FBLN2: variants seen among roughly 807,000 people sequenced by gnomAD.
FBLN2 encodes the protein fibulin-2.
Under a neutral mutation model 123.7 loss-of-function variants are expected in FBLN2, and 81 were observed. The observed-to-expected ratio is 0.65, with a 90% CI of 0.55 to 0.79. FBLN2 has a LOEUF of 0.79. Ranked by LOEUF, FBLN2 falls within the 30% of genes least tolerant of loss-of-function variation. FBLN2 has a pLI of 0.00. For missense variants in FBLN2, 1,603 were observed against 1,681.3 expected (o/e 0.95, Z 0.81); for synonymous variants, 699 against 701.4 (o/e 1.00, Z 0.05).
At chr3:13,600,743 G>A (rs1252171604) in intron 2 of FBLN2, among the ~76,000 whole-genome samples, 1 of 151,618 alleles carries the variant, frequency 6.6e-6, no homozygotes, top group Non-Finnish European at 1.5e-5. Context: ...AGCCTCCCAA[G>A]TAGCTGGGAT....
chr3:13,619,086 G>T (rs1705749204), intron 7 of FBLN2, 69 bp downstream of exon 7: 1 of 1,191,526 alleles, frequency 8.4e-7, no homozygotes, highest in South Asian at 1.4e-5. Context: ...GCTGCTTGCA[G>T]GTGGTGAGCT....
At chr3:13,556,731 C>T (rs991101454) in intron 1 of FBLN2, among the ~76,000 whole-genome samples, 2 of 152,218 alleles carry the variant, frequency 1.3e-5, no homozygotes, top group African/African-American at 4.8e-5. Flanking sequence ...GGCATCAGCA[C>T]ATGACACTGT....
rs3732668 is a variant in FBLN2, at chr3:13,570,350, T to C, written c.-6T>C. The C allele has an allele frequency of 0.16, 243,200 of 1,542,360 alleles. 21,765 individuals are homozygous for C. The highest frequency in any genetic ancestry group is 0.36 in the African/African-American group (26,394 of 73,016). On this transcript the variant is annotated 5_prime_UTR_variant, in exon 2 of 18. Coordinates refer to ENST00000404922, the MANE Select transcript of FBLN2 (RefSeq NM_001004019.2). ...GAGAGGGGACCGTCCTGGGCTGGCCTGGACCATGGTGCTGCTCTGGGAGCC... is the reference window on the plus strand; with the variant it reads ...GAGAGGGGACCGTCCTGGGCTGGCCCGGACCATGGTGCTGCTCTGGGAGCC...
intron 2 of FBLN2, among the ~76,000 whole-genome samples, chr3:13,603,030 C>A (rs1055504577): frequency 2.6e-5 from 4 of 151,776 alleles, no homozygotes; most frequent in African/African-American, 9.7e-5. Flanking sequence ...TGTCCCTCAG[C>A]CTCCCAAGTA....
intron 1 of FBLN2, among the ~76,000 whole-genome samples, chr3:13,557,203 C>A (rs532213761): frequency 6.6e-6 from 1 of 152,318 alleles, no homozygotes; most frequent in East Asian, 1.9e-4. Flanking sequence ...TGGCCCCAGG[C>A]GCATGTCTGG....
intron 4 of FBLN2, 190 bp from the exon 5 acceptor site, chr3:13,613,794 A>G (rs1705482753): frequency 1.9e-6 from 1 of 538,018 alleles, no homozygotes; most frequent in South Asian, 3.4e-5. Context: ...GTTTCAAAAG[A>G]CTTACATTAG....
At chr3:13,551,291 G>A (rs1165082694) in intron 1 of FBLN2, among the ~76,000 whole-genome samples, 1 of 152,196 alleles carries the variant, frequency 6.6e-6, no homozygotes, top group Non-Finnish European at 1.5e-5. Flanking sequence ...AGGGCCCTGG[G>A]CCACAGGGCA....
At chr3:13,561,921 C>G (rs60483117) in intron 1 of FBLN2, among the ~76,000 whole-genome samples, 1,712 of 152,334 alleles carry the variant, frequency 0.011, 38 homozygotes, top group African/African-American at 0.039. Flanking sequence ...TTTACTCTGT[C>G]TGGGCCTCAG....
intron 16 of FBLN2, among the ~76,000 whole-genome samples, chr3:13,633,954 A>AACACACACATACACACAC (rs1706355291): frequency 8.9e-6 from 1 of 112,830 alleles, no homozygotes; most frequent in South Asian, 3.1e-4. Context: ...ACACACTGCA[A>AACACACACATACACACAC]ACACACACAC....
chr3:13,580,289 A>C (rs1036602203), intron 2 of FBLN2, among the ~76,000 whole-genome samples: 14 of 152,160 alleles, frequency 9.2e-5, no homozygotes, highest in Non-Finnish European at 1.5e-4. Context: ...TAGCCCTGGT[A>C]GACGTTGTTC....
At chr3:13,589,339 G>C (rs1041150185) in intron 2 of FBLN2, among the ~76,000 whole-genome samples, 1 of 152,128 alleles carries the variant, frequency 6.6e-6, no homozygotes, top group African/African-American at 2.4e-5. Flanking sequence ...ACTTTCCAGA[G>C]CTTTCTAAGG....
Position 13,619,888 on chromosome 3 carries a change from G to A in FBLN2, c.2155+57G>A, listed in dbSNP as rs1705788261. ...CAAACCTGAGTTGGCCTGTGATGGGGGCCTCCAGGTGGGGGTGGCTGAGAC... is the reference window on the plus strand; with the variant it reads ...CAAACCTGAGTTGGCCTGTGATGGGAGCCTCCAGGTGGGGGTGGCTGAGAC... On this transcript the variant is annotated intron_variant, in intron 8 of 17. Transcript: ENST00000404922. 1.6e-5 allele frequency: 22 copies of A among 1,417,282 alleles called. No homozygotes were observed. The South Asian group carries it at 2.5e-4, about 16-fold the overall frequency. 87.8% of individuals were successfully genotyped at this position (1,417,282 alleles called of 1,614,324 possible). A position where few individuals can be genotyped will look rare whatever the true frequency, so the allele number is the denominator to read the frequency against.
intron 2 of FBLN2, among the ~76,000 whole-genome samples, chr3:13,576,346 C>G (rs2124833339): frequency 6.6e-6 from 1 of 152,320 alleles, no homozygotes; most frequent in African/African-American, 2.4e-5. Flanking sequence ...CTCACAGCCC[C>G]CAGTCTGTGA....
intron 1 of FBLN2, among the ~76,000 whole-genome samples, chr3:13,553,222 C>CA (rs900647837): frequency 6.6e-6 from 1 of 152,190 alleles, no homozygotes; most frequent in African/African-American, 2.4e-5. Context: ...TGCGAGCGAG[C>CA]AACAGGCAGC....
intron 2 of FBLN2, among the ~76,000 whole-genome samples, chr3:13,573,242 C>T (rs1469699896): frequency 6.6e-6 from 1 of 152,146 alleles, no homozygotes; most frequent in Non-Finnish European, 1.5e-5. Context: ...TCCTTTCAAT[C>T]AAGTTCAATT....
intron 9 of FBLN2, among the ~76,000 whole-genome samples, chr3:13,625,118 C>T (rs868270553): frequency 6.6e-6 from 1 of 150,662 alleles, no homozygotes; most frequent in African/African-American, 2.5e-5. Flanking sequence ...AGTTGGTGGC[C>T]TCTGTGGCCC....
intron 2 of FBLN2, among the ~76,000 whole-genome samples, chr3:13,595,851 A>G (rs888335483): frequency 6.6e-6 from 1 of 152,212 alleles, no homozygotes; most frequent in Non-Finnish European, 1.5e-5. Flanking sequence ...ATAAGATAAG[A>G]AACAAATACA....
At chr3:13,556,372 G>A (rs1006905123) in intron 1 of FBLN2, among the ~76,000 whole-genome samples, 1 of 147,626 alleles carries the variant, frequency 6.8e-6, no homozygotes, top group Non-Finnish European at 1.5e-5. Flanking sequence ...GGGAGGGAGG[G>A]AGGGAGAGCT....
At chr3:13,609,026 G>A (rs1334926894) in intron 3 of FBLN2, among the ~76,000 whole-genome samples, 1 of 152,246 alleles carries the variant, frequency 6.6e-6, no homozygotes, top group African/African-American at 2.4e-5. Flanking sequence ...TCCGTCTTGT[G>A]GACGTGTCCC....
Sources: gnomAD v4.1 joint callset for allele counts (sites outside exome capture counted in the v4.1 genomes callset) on GRCh38, gnomAD v4.1.1 for gene constraint, MANE v1.5 for transcripts, NCBI Gene and HGNC (gene_info 2026-07-23, HGNC 2026-07-21) for gene names.